ETS1: variants seen among roughly 807,000 people sequenced by gnomAD.
ETS1 encodes ETS proto-oncogene 1, transcription factor, also known as protein C-ets-1.
ETS1 carries 15 observed loss-of-function variants against 58.6 expected under a neutral mutation model. That is an observed-to-expected ratio of 0.26 (90% confidence interval 0.17 to 0.39). The LOEUF (loss-of-function observed/expected upper bound fraction) is 0.39. Among genes scored for constraint, ETS1 ranks in the 10% least tolerant of loss-of-function variants. ETS1 has a pLI of 1.00. For missense variants in ETS1, 417 were observed against 610.5 expected (o/e 0.68, Z 3.34); for synonymous variants, 214 against 218.2 (o/e 0.98, Z 0.17).
intron 2 of ETS1, among the ~76,000 whole-genome samples, chr11:128,559,301 G>A: frequency 6.6e-6 from 1 of 152,184 alleles, no homozygotes; most frequent in East Asian, 1.9e-4. Flanking sequence ...AGAGAAGGTA[G>A]ATAATCGGTA....
intron 1 of ETS1, among the ~76,000 whole-genome samples, chr11:128,578,857 T>C (rs1181833382): frequency 6.6e-6 from 1 of 152,246 alleles, no homozygotes; most frequent in African/African-American, 2.4e-5. Context: ...GTATATATCA[T>C]ACTTTTAAAG....
At chr11:128,482,354 C>A (rs1303091776) in intron 7 of ETS1, among the ~76,000 whole-genome samples, 2 of 152,162 alleles carry the variant, frequency 1.3e-5, no homozygotes, top group African/African-American at 4.8e-5. Context: ...GACAAACATA[C>A]CAAAAGCCTA....
chr11:128,466,881 A>G (rs1862052169), intron 8 of ETS1, among the ~76,000 whole-genome samples: 1 of 152,170 alleles, frequency 6.6e-6, no homozygotes, highest in South Asian at 2.1e-4. Context: ...CGTTGGCTTC[A>G]TAATAGGACA....
intron 2 of ETS1, among the ~76,000 whole-genome samples, chr11:128,564,502 C>T (rs544866501): frequency 6.6e-6 from 1 of 152,008 alleles, no homozygotes; most frequent in African/African-American, 2.4e-5. Context: ...CACACAAAGT[C>T]GGAGGTAGTG....
intron 2 of ETS1, among the ~76,000 whole-genome samples, chr11:128,557,308 A>G (rs1864327605): frequency 6.6e-6 from 1 of 152,240 alleles, no homozygotes; most frequent in African/African-American, 2.4e-5. Flanking sequence ...TTTGAGGCTC[A>G]GTCAGGGCAA....
intron 3 of ETS1, among the ~76,000 whole-genome samples, chr11:128,538,904 G>A (rs973979412): frequency 4.7e-4 from 72 of 152,176 alleles, no homozygotes; most frequent in African/African-American, 1.7e-3. Flanking sequence ...GAGGTAGTTC[G>A]TAGGTGACAT....
intron 2 of ETS1, among the ~76,000 whole-genome samples, chr11:128,571,336 G>GA (rs1332288351): frequency 6.6e-6 from 1 of 151,728 alleles, no homozygotes; most frequent in African/African-American, 2.4e-5. Context: ...AGAATGGCGT[G>GA]AACCCGGGAG....
At chr11:128,471,065 T>G (rs1862175177) in intron 8 of ETS1, among the ~76,000 whole-genome samples, 1 of 152,342 alleles carries the variant, frequency 6.6e-6, no homozygotes, top group South Asian at 2.1e-4. Flanking sequence ...CCTCACCAAG[T>G]ATTCTTCACC....
chr11:128,573,218 C>G (rs929597492), intron 1 of ETS1, 74 bp from the exon 2 acceptor site: 4 of 1,072,782 alleles, frequency 3.7e-6, no homozygotes, highest in Admixed American at 4.0e-5. Context: ...AAGGAAGACA[C>G]GAACCTTAGA....
In ETS1 at chr11:128,530,500, A is replaced by C. The variant is rs76995344; in HGVS notation, c.214+25791T>G. On this transcript the variant is annotated intron_variant, in intron 3 of 9. Transcript: ENST00000392668. ...GTAATGACAGGTAACGTGCAGAATG[A>C]AGAAAGCAGAAAGCATATAGAAGTT... 6.0e-3 allele frequency: 918 copies of C among 152,372 alleles called. 9 individuals carry two copies. Among genetic ancestry groups the C allele is most frequent in the African/African-American group, 0.02 (834 of 41,576 alleles). 9.4% of individuals were successfully genotyped at this position (152,372 alleles called of 1,614,324 possible). A position where few individuals can be genotyped will look rare whatever the true frequency, so the allele number is the denominator to read the frequency against.
At chr11:128,488,869 C>T (rs571265429) in intron 5 of ETS1, among the ~76,000 whole-genome samples, 18 of 152,184 alleles carry the variant, frequency 1.2e-4, no homozygotes, top group African/African-American at 4.1e-4. Flanking sequence ...TAAGCTTTCC[C>T]GGGATGTGAT....
At chr11:128,554,651 G>A (rs1591659343) in intron 3 of ETS1, among the ~76,000 whole-genome samples, 1 of 151,732 alleles carries the variant, frequency 6.6e-6, no homozygotes, top group African/African-American at 2.4e-5. Flanking sequence ...TGATCTTCAG[G>A]CTATGAGCAA....
At chr11:128,499,147 A>G (rs1348757759) in intron 3 of ETS1, among the ~76,000 whole-genome samples, 1 of 152,192 alleles carries the variant, frequency 6.6e-6, no homozygotes, top group African/African-American at 2.4e-5. Flanking sequence ...TTTGGTACCA[A>G]CATGACATAG....
chr11:128,485,662 AAAG>A (rs902068733), intron 6 of ETS1, among the ~76,000 whole-genome samples: 2 of 152,174 alleles, frequency 1.3e-5, no homozygotes, highest in African/African-American at 2.4e-5. Context: ...GCACACTCTT[AAAG>A]AAGGATTTTG....
intron 3 of ETS1, among the ~76,000 whole-genome samples, chr11:128,523,677 T>C (rs919705842): frequency 3.3e-5 from 5 of 152,130 alleles, no homozygotes; most frequent in Non-Finnish European, 5.9e-5. Context: ...AACAGAAAAA[T>C]CTGTGGCTCC....
At chr11:128,563,848 C>G (rs907797787) in intron 2 of ETS1, among the ~76,000 whole-genome samples, 2 of 152,210 alleles carry the variant, frequency 1.3e-5, no homozygotes, top group Non-Finnish European at 2.9e-5. Flanking sequence ...TATAGGGGCT[C>G]TCACCTGGCA....
At chr11:128,582,854 T>C (rs1443088989) in intron 1 of ETS1, among the ~76,000 whole-genome samples, 1 of 152,114 alleles carries the variant, frequency 6.6e-6, no homozygotes, top group Non-Finnish European at 1.5e-5. Context: ...TTTGATATAA[T>C]GTCGATCTTT....
chr11:128,485,142 C>T, intron 6 of ETS1, 71 bp from the exon 7 acceptor site: 1 of 1,390,850 alleles, frequency 7.2e-7, no homozygotes, highest in Non-Finnish European at 9.9e-7. Context: ...TCACCATCTA[C>T]AGGGCCCTAT....
At chr11:128,566,645 C>T (rs960594890) in intron 2 of ETS1, among the ~76,000 whole-genome samples, 17 of 151,954 alleles carry the variant, frequency 1.1e-4, no homozygotes, top group South Asian at 2.1e-4. Context: ...TAGCTGGGCA[C>T]GGTGGTGGGC....
Sources: gnomAD v4.1 joint callset for allele counts (sites outside exome capture counted in the v4.1 genomes callset) on GRCh38, gnomAD v4.1.1 for gene constraint, MANE v1.5 for transcripts, NCBI Gene and HGNC (gene_info 2026-07-23, HGNC 2026-07-21) for gene names.